The following TMED10 variants were observed in gnomAD, a reference collection of about 807,000 sequenced individuals.
TMED10 encodes transmembrane p24 trafficking protein 10.
In TMED10, 7 loss-of-function variants were observed where a neutral mutation model predicts 23.1. The observed-to-expected ratio is 0.30, with a 90% CI of 0.17 to 0.57. The LOEUF is 0.57. Among genes scored for constraint, TMED10 ranks in the 20% least tolerant of loss-of-function variants. The probability of loss-of-function intolerance (pLI) is 0.91; values close to 1 mark genes in which losing one functional copy is unlikely to be tolerated. For synonymous variants in TMED10, 113 were observed against 106.9 expected (o/e 1.06, Z -0.35); for missense variants, 162 against 274.8 (o/e 0.59, Z 2.90).
intron 4 of TMED10, among the ~76,000 whole-genome samples, chr14:75,135,246 C>T (rs1002306908): frequency 1.4e-4 from 21 of 152,008 alleles, no homozygotes; most frequent in African/African-American, 4.8e-5. Flanking sequence ...GTCAGGAGAT[C>T]GAGACCATCC....
intron 1 of TMED10, 77 bp downstream of exon 1, chr14:75,176,278 G>T: frequency 6.4e-7 from 1 of 1,566,652 alleles, no homozygotes; most frequent in South Asian, 1.1e-5. Context: ...CCGCCGGCCC[G>T]ACTCCCCCGA....
rs570718476 is a variant in TMED10 at position 75,154,767 on chromosome 14, G to A, written c.226-2624C>T. Among the ~76,000 whole-genome samples, 7 of 151,978 alleles carry A rather than the reference G, an allele frequency of 4.6e-5. No homozygotes were observed. In the East Asian group the frequency reaches 5.8e-4, roughly 13 times the overall value. On this transcript the variant is annotated intron_variant, in intron 1 of 4. Coordinates refer to ENST00000303575, the MANE Select transcript of TMED10 (RefSeq NM_006827.6). ...CAACCTCTGCCTCCCGGGTTCAAGCGATTCTCCTGCCCCAGCCTCCCAAGT... is the reference window on the plus strand; with the variant it reads ...CAACCTCTGCCTCCCGGGTTCAAGCAATTCTCCTGCCCCAGCCTCCCAAGT...
chr14:75,143,446 G>A (rs540328442), intron 3 of TMED10, among the ~76,000 whole-genome samples: 1 of 152,176 alleles, frequency 6.6e-6, no homozygotes, highest in Non-Finnish European at 1.5e-5. Context: ...TTAAAACAGA[G>A]GTGTTAATCT....
chr14:75,138,825 T>TTC (rs1555355602), intron 3 of TMED10, among the ~76,000 whole-genome samples: 1 of 141,628 alleles, frequency 7.1e-6, no homozygotes, highest in Non-Finnish European at 1.5e-5. Context: ...TTTTTTTTTT[T>TTC]TTTTTTTATT....
At chr14:75,135,971 A>G in intron 3 of TMED10, 85 bp from the exon 4 acceptor site, 1 of 1,552,394 alleles carries the variant, frequency 6.4e-7, no homozygotes, top group Non-Finnish European at 8.7e-7. Flanking sequence ...AGTCTTTTTT[A>G]AAGTTTCACC....
intron 3 of TMED10, among the ~76,000 whole-genome samples, chr14:75,141,783 ATC>A (rs1895825410): frequency 6.6e-6 from 1 of 152,194 alleles, no homozygotes; most frequent in East Asian, 1.9e-4. Context: ...GGCCACAAGG[ATC>A]TATATAAGTT....
At chr14:75,160,623 G>A (rs1594872022) in intron 1 of TMED10, among the ~76,000 whole-genome samples, 1 of 152,024 alleles carries the variant, frequency 6.6e-6, no homozygotes, top group South Asian at 2.1e-4. Flanking sequence ...TGATAATAAA[G>A]TTCTTTAATT....
At chr14:75,158,231 C>G (rs1021319901) in intron 1 of TMED10, among the ~76,000 whole-genome samples, 1 of 152,194 alleles carries the variant, frequency 6.6e-6, no homozygotes, top group Non-Finnish European at 1.5e-5. Flanking sequence ...GCTAAACAAT[C>G]AAGGGAAATT....
At chr14:75,176,291 C>G (rs1594878601) in intron 1 of TMED10, 64 bp downstream of exon 1, 2 of 1,594,772 alleles carry the variant, frequency 1.3e-6, no homozygotes, top group Non-Finnish European at 1.7e-6. Context: ...TCCCCCGAAC[C>G]CGAGCCTCCC....
chr14:75,148,782 C>A (rs1272276926), intron 2 of TMED10, among the ~76,000 whole-genome samples: 2 of 152,204 alleles, frequency 1.3e-5, no homozygotes, highest in Admixed American at 6.5e-5. Context: ...TCACTAAGTA[C>A]TAAAACTGTG....
At chr14:75,162,076 C>G (rs1896092426) in intron 1 of TMED10, among the ~76,000 whole-genome samples, 1 of 152,000 alleles carries the variant, frequency 6.6e-6, no homozygotes, top group Non-Finnish European at 1.5e-5. Context: ...ACCAGCCTGG[C>G]CAACATGGAG....
intron 3 of TMED10, among the ~76,000 whole-genome samples, chr14:75,146,908 CAGATAGAT>C (rs35810783): frequency 3.1e-4 from 46 of 149,596 alleles, no homozygotes; most frequent in East Asian, 9.8e-4. Context: ...ATCCATGCCC[CAGATAGAT>C]AGATAGATAG....
At chr14:75,172,826 C>T (rs1409323277) in intron 1 of TMED10, among the ~76,000 whole-genome samples, 7 of 152,146 alleles carry the variant, frequency 4.6e-5, no homozygotes, top group Non-Finnish European at 7.4e-5. Context: ...AAGGTGAACT[C>T]ACTATACTAT....
intron 1 of TMED10, among the ~76,000 whole-genome samples, chr14:75,154,025 C>T (rs1895988712): frequency 6.6e-6 from 1 of 151,182 alleles, no homozygotes; most frequent in African/African-American, 2.4e-5. Flanking sequence ...CCCGCCTCGG[C>T]TTCCCAAAGT....
chr14:75,156,244 T>C (rs1419342945), intron 1 of TMED10, among the ~76,000 whole-genome samples: 1 of 152,160 alleles, frequency 6.6e-6, no homozygotes, highest in Non-Finnish European at 1.5e-5. Context: ...GCCTTCAGTA[T>C]AGAGAGAAGG....
chr14:75,170,546 C>G (rs985059513), intron 1 of TMED10, among the ~76,000 whole-genome samples: 2 of 151,964 alleles, frequency 1.3e-5, no homozygotes, highest in East Asian at 3.9e-4. Context: ...TATGAAGGAA[C>G]CAAAGGGACA....
intron 1 of TMED10, among the ~76,000 whole-genome samples, 153 bp from the exon 2 acceptor site, chr14:75,152,296 G>A (rs1301984644): frequency 6.6e-6 from 1 of 152,196 alleles, no homozygotes; most frequent in Non-Finnish European, 1.5e-5. Context: ...ACAAAAACTG[G>A]ATTAGAAGAT....
chr14:75,147,444 T>C, intron 3 of TMED10: 1 of 575,312 alleles, frequency 1.7e-6, no homozygotes, highest in Non-Finnish European at 3.1e-6. Context: ...TCCACCCGCC[T>C]TGGCCTCCCA....
intron 3 of TMED10, among the ~76,000 whole-genome samples, chr14:75,145,844 C>T (rs565622876): frequency 6.6e-6 from 1 of 152,236 alleles, no homozygotes; most frequent in East Asian, 1.9e-4. Flanking sequence ...AAAAAGATTA[C>T]AATAGGTAAA....
Sources: allele counts gnomAD v4.1 joint callset (sites outside exome capture counted in the v4.1 genomes callset), GRCh38; gene constraint gnomAD v4.1.1; transcripts MANE v1.5; gene names NCBI Gene and HGNC (gene_info 2026-07-23, HGNC 2026-07-21).